TSPEAR: variants seen among roughly 807,000 people sequenced by gnomAD.
The protein encoded by TSPEAR is thrombospondin-type laminin G domain and EAR repeat-containing protein.
A neutral mutation model predicts 71.6 loss-of-function variants in TSPEAR; 69 were observed. The ratio of observed to expected loss-of-function variants is 0.96; its 90% CI spans 0.79 to 1.18. TSPEAR has a LOEUF of 1.18. Among genes scored for constraint, TSPEAR ranks in the 50% most tolerant of loss-of-function variants. The probability of loss-of-function intolerance (pLI) is 0.00; values close to 1 mark genes in which losing one functional copy is unlikely to be tolerated. For synonymous variants in TSPEAR, 402 were observed against 387.2 expected (o/e 1.04, Z -0.45); for missense variants, 971 against 894.9 (o/e 1.09, Z -1.09).
intron 1 of TSPEAR, among the ~76,000 whole-genome samples, chr21:44,589,056 C>G (rs1227489968): frequency 6.6e-6 from 1 of 152,122 alleles, no homozygotes; most frequent in Non-Finnish European, 1.5e-5. Flanking sequence ...GCAGTGTATA[C>G]TGCTCGAATG....
chr21:44,560,704 A>T (rs2053619980), intron 2 of TSPEAR, among the ~76,000 whole-genome samples: 1 of 152,242 alleles, frequency 6.6e-6, no homozygotes, highest in South Asian at 2.1e-4. Flanking sequence ...AACTACATGG[A>T]AATTGAACAA....
chr21:44,576,571 G>A (rs1255202573), intron 1 of TSPEAR, among the ~76,000 whole-genome samples: 1 of 152,222 alleles, frequency 6.6e-6, no homozygotes, highest in Non-Finnish European at 1.5e-5. Flanking sequence ...AACTCAATGT[G>A]TTGATTGCAA....
intron 1 of TSPEAR, chr21:44,637,284 G>C: frequency 8.1e-7 from 1 of 1,235,228 alleles, no homozygotes; most frequent in South Asian, 1.5e-5. Flanking sequence ...GGAGGGCATT[G>C]CTGAGTCTCC....
rs186057899 is a variant in TSPEAR at position 44,551,369 on chromosome 21, G to A, written c.303+16416C>T. 607 of 1,613,230 alleles carry A rather than the reference G, an allele frequency of 3.8e-4. 4 individuals are homozygous for A. In the African/African-American group the frequency reaches 7.5e-3, roughly 20 times the overall value. ...GGGCACAGCAGCTGGGGGTGCCGCA[G>A]GGGAGCTCACAGCAGCTCTCTGGGC... On this transcript the variant is annotated intron_variant, in intron 2 of 11. Coordinates refer to ENST00000323084, the MANE Select transcript of TSPEAR (RefSeq NM_144991.3).
At position 44,525,751 on chromosome 21, in the gene TSPEAR, A is replaced by G; in HGVS notation, c.1238T>C (p.Phe413Ser). ...TGTGGCAATGCTCTGATATGGGGTA[A>G]ACTTCAGCTTTCTGTGGCTCCATTT... ...IYKWSHRKLKFTPYQSIATHS... is the reference protein window; with the variant it reads ...IYKWSHRKLKSTPYQSIATHS... Residue 413 changes from phenylalanine to serine, a missense_variant, in exon 8 of 12, where the codon TTT (phenylalanine) becomes TCT (serine). By Grantham distance (155) the Phe-to-Ser change is radical (BLOSUM62 -2). Transcript: ENST00000323084. 1 of 1,614,100 alleles carries G rather than the reference A, an allele frequency of 6.2e-7. No individual in the cohort carries two copies. The highest frequency in any genetic ancestry group is 8.5e-7 in the Non-Finnish European group (1 of 1,180,006).
chr21:44,505,554 A>C (rs1473768311), intron 10 of TSPEAR, among the ~76,000 whole-genome samples: 117 of 6,998 alleles, frequency 0.017, no homozygotes, highest in South Asian at 0.033. Flanking sequence ...AGTAAACATC[A>C]CCCCCTCCCC....
At chr21:44,663,231 G>GA (rs200452595) in intron 1 of TSPEAR, among the ~76,000 whole-genome samples, 1,886 of 148,318 alleles carry the variant, frequency 0.013, 41 homozygotes, top group African/African-American at 0.043. Context: ...ATAATAAAAA[G>GA]AAAAAAAAAG....
At chr21:44,628,448 G>A (rs1239045908) in intron 1 of TSPEAR, among the ~76,000 whole-genome samples, 1 of 151,820 alleles carries the variant, frequency 6.6e-6, no homozygotes, top group South Asian at 2.1e-4. Flanking sequence ...TGGCTCTGGG[G>A]GGCTGGGCCC....
At chr21:44,550,633 T>C (rs1555918439) in intron 2 of TSPEAR, 1 of 1,591,520 alleles carries the variant, frequency 6.3e-7, no homozygotes, top group Non-Finnish European at 8.6e-7. Flanking sequence ...GGCTGGGAGG[T>C]CCAAGGACTG....
intron 1 of TSPEAR, among the ~76,000 whole-genome samples, chr21:44,689,501 C>T (rs1480050523): frequency 4.2e-5 from 6 of 141,464 alleles, no homozygotes; most frequent in Non-Finnish European, 9.1e-5. Context: ...GACTCCATCT[C>T]GAATAAAAAA....
chr21:44,583,138 C>G (rs1009731348), intron 1 of TSPEAR, among the ~76,000 whole-genome samples: 5 of 152,188 alleles, frequency 3.3e-5, no homozygotes, highest in East Asian at 3.9e-4. Context: ...CCACTGCACC[C>G]GGCCAGATCA....
rs150581415 is a variant in TSPEAR, at chr21:44,678,031, T to C, written c.82+33402A>G. ...CAGTGGACGGAGGACTAACTTCCCA[T>C]AGAGACAACTCTGGGCCACAGCGGT... On this transcript the variant is annotated intron_variant, in intron 1 of 11. Transcript: ENST00000323084. 1,172 of 783,044 alleles carry C rather than the reference T, an allele frequency of 1.5e-3. 9 individuals carry two copies. The African/African-American group carries it at 0.018, about 12-fold the overall frequency. The allele number at this position is 783,044 out of a possible 1,614,324, so 48.5% of individuals were successfully genotyped here.
At chr21:44,683,334 G>A (rs1986703440) in intron 1 of TSPEAR, among the ~76,000 whole-genome samples, 1 of 152,130 alleles carries the variant, frequency 6.6e-6, no homozygotes, top group Non-Finnish European at 1.5e-5. Flanking sequence ...CTCAGAGTCT[G>A]TAAATGCATT....
chr21:44,673,948 G>A (rs1986178394), intron 1 of TSPEAR, among the ~76,000 whole-genome samples: 1 of 151,740 alleles, frequency 6.6e-6, no homozygotes, highest in Non-Finnish European at 1.5e-5. Flanking sequence ...AAAACCTATA[G>A]GCTACAAAAA....
chr21:44,675,282 A>G lies in TSPEAR; in HGVS notation c.82+36151T>C, dbSNP rs59139583. The stretch of plus-strand genomic sequence containing the variant: ...AAGGGTGATTCAACATACACAAATC[A>G]ATAAACATGATATATCACATTAACA... On this transcript the variant is annotated intron_variant, in intron 1 of 11. Transcript: ENST00000323084. 9.8e-3 allele frequency among the ~76,000 whole-genome samples: 1,496 copies of G among 152,334 alleles called. 24 individuals are homozygous for G. The highest frequency in any genetic ancestry group is 0.034 in the African/African-American group (1,425 of 41,560).
rs1262951088 is a variant in TSPEAR, at chr21:44,710,125, G to A, written c.82+1308C>T. On this transcript the variant is annotated intron_variant, in intron 1 of 11. Transcript: ENST00000323084. This position sits in a 1 kb window ranked among gnomAD's most constrained non-coding sequence, Gnocchi z 4.6. ...TGAGGAGTCTCTCAGCTGCCCCGGG[G>A]TCCTCGAGCAGGGGAGGGAGAAAGG... Among the ~76,000 whole-genome samples, 1 of 152,056 alleles carries A rather than the reference G, an allele frequency of 6.6e-6. No individual in the cohort carries two copies. Among genetic ancestry groups the A allele is most frequent in the Non-Finnish European group, 1.5e-5 (1 of 68,004 alleles).
chr21:44,515,235 C>G, intron 9 of TSPEAR, among the ~76,000 whole-genome samples: 1 of 152,360 alleles, frequency 6.6e-6, no homozygotes, highest in East Asian at 1.9e-4. Context: ...TGAAAGTGGG[C>G]TTTGTGAGTT....
intron 1 of TSPEAR, among the ~76,000 whole-genome samples, chr21:44,602,645 T>C (rs377510302): frequency 9.9e-4 from 150 of 152,244 alleles, no homozygotes; most frequent in African/African-American, 3.4e-3. Context: ...CTGCTGGGAG[T>C]CTGGAATTCT....
chr21:44,698,566 G>A (rs963991768), intron 1 of TSPEAR, among the ~76,000 whole-genome samples: 2 of 152,108 alleles, frequency 1.3e-5, no homozygotes, highest in African/African-American at 4.8e-5. Context: ...AGGCACAGCC[G>A]TCCCCACCGC....
Sources: gnomAD v4.1 joint callset for allele counts (sites outside exome capture counted in the v4.1 genomes callset) on GRCh38, gnomAD v4.1.1 for gene constraint, Gnocchi (gnomAD v3.1) non-coding constraint, MANE v1.5 for transcripts, NCBI Gene and HGNC (gene_info 2026-07-23, HGNC 2026-07-21) for gene names.